Variants in MED15 observed in about 807,000 individuals in gnomAD.
The protein encoded by MED15 is mediator complex subunit 15.
MED15 carries 41 observed loss-of-function variants against 118.7 expected under a neutral mutation model. That is an observed-to-expected ratio of 0.35 (90% CI 0.27 to 0.45). The LOEUF is 0.45. Ranked by LOEUF, MED15 falls within the 20% of genes least tolerant of loss-of-function variation. The pLI is 1.00. For synonymous variants in MED15, 436 were observed against 413.9 expected (o/e 1.05, Z -0.65); for missense variants, 740 against 1,025.5 (o/e 0.72, Z 3.80).
chr22:20,542,999 C>G (rs2055370769), intron 2 of MED15, among the ~76,000 whole-genome samples: 3 of 152,014 alleles, frequency 2.0e-5, no homozygotes, highest in Admixed American at 2.0e-4. Context: ...AGTAAATCTC[C>G]TAGTTTTAGC....
chr22:20,545,439 A>G lies in MED15; in HGVS notation c.157-5997A>G, dbSNP rs1281104751. Among the ~76,000 whole-genome samples, 10 of 145,622 alleles carry G rather than the reference A, an allele frequency of 6.9e-5. 1 individual carries two copies. In the Admixed American group the frequency reaches 7.1e-4, roughly 10 times the overall value. On this transcript the variant is annotated intron_variant, in intron 2 of 17. Coordinates refer to ENST00000263205, the MANE Select transcript of MED15 (RefSeq NM_001003891.3). ...GGTTGCAGTGAGCTGAGATGGTGCC[A>G]CTTCAGCCTGTGTGACAGAGCGAGA...
chr22:20,511,071 C>G (rs1231179887), intron 1 of MED15, among the ~76,000 whole-genome samples: 1 of 152,104 alleles, frequency 6.6e-6, no homozygotes, highest in South Asian at 2.1e-4. Flanking sequence ...TTATTGTGCT[C>G]ATAGGGTTAA....
intron 1 of MED15, among the ~76,000 whole-genome samples, chr22:20,532,637 G>C (rs996048060): frequency 1.3e-5 from 2 of 152,202 alleles, no homozygotes; most frequent in Admixed American, 1.3e-4. Flanking sequence ...TCAGAGGTCT[G>C]GCTGGTCGCA....
At chr22:20,560,509 C>T (rs113658943) in intron 5 of MED15, among the ~76,000 whole-genome samples, 83 of 152,274 alleles carry the variant, frequency 5.5e-4, no homozygotes, top group African/African-American at 2.0e-3. Context: ...GTGATCTGCC[C>T]TCCTTGGCCT....
At chr22:20,553,105 CTA>C (rs2055850343) in intron 3 of MED15, 38 bp from the exon 4 acceptor site, 1 of 1,582,164 alleles carries the variant, frequency 6.3e-7, no homozygotes, top group Non-Finnish European at 8.7e-7. Flanking sequence ...TTATATAAAA[CTA>C]TGTTTACTTT....
At chr22:20,555,319 G>A (rs905835847) in intron 5 of MED15, among the ~76,000 whole-genome samples, 171 bp downstream of exon 5, 9 of 152,086 alleles carry the variant, frequency 5.9e-5, no homozygotes, top group African/African-American at 9.7e-5. Flanking sequence ...TCCAATTTTC[G>A]TTGAGCTCCC....
In MED15 at chr22:20,507,690, C is replaced by T. The variant is rs1454916045; in HGVS notation, c.12C>T (p.Ser4=). 7 of 1,614,036 alleles carry T rather than the reference C, an allele frequency of 4.3e-6. No individual in the cohort carries two copies. The highest frequency in any genetic ancestry group is 3.3e-4 in the Middle Eastern group (2 of 6,062). MDV[S]GQETDWRSTA... ...GCTGGGGAACAGGCATGGACGTTTC[C>T]GGGCAAGAGACCGACTGGCGGAGCA... Residue 4 remains serine (S), a synonymous_variant, in exon 1 of 18, where the codon TCC becomes TCT. Coordinates refer to ENST00000263205, the MANE Select transcript of MED15 (RefSeq NM_001003891.3).
chr22:20,526,761 C>T (rs1251241391), intron 1 of MED15, among the ~76,000 whole-genome samples: 1 of 152,182 alleles, frequency 6.6e-6, no homozygotes, highest in East Asian at 1.9e-4. Flanking sequence ...CGGTGACCCT[C>T]TTGGACCTCC....
intron 1 of MED15, among the ~76,000 whole-genome samples, chr22:20,533,242 C>G (rs1237364116): frequency 6.6e-6 from 1 of 152,076 alleles, no homozygotes; most frequent in Non-Finnish European, 1.5e-5. Context: ...AAATGGGTAC[C>G]CTCCTGGAGT....
rs774209342 is a variant in MED15, at chr22:20,507,691, G to C, written c.13G>C (p.Gly5Arg). 1 of 1,614,076 alleles carries C rather than the reference G, an allele frequency of 6.2e-7. No homozygotes were observed. The highest frequency in any genetic ancestry group is 2.2e-5 in the East Asian group (1 of 44,888). The stretch of plus-strand genomic sequence containing the variant: ...CTGGGGAACAGGCATGGACGTTTCC[G>C]GGCAAGAGACCGACTGGCGGAGCAC... MDVSGQETDWRSTAF... is the reference protein window; with the variant it reads MDVSRQETDWRSTAF... Residue 5 changes from glycine (G) to arginine (R), a missense_variant, in exon 1 of 18, where the codon GGG (glycine) becomes CGG (arginine). Physicochemically the swap from Gly to Arg is moderately radical, Grantham distance 125. Around this residue, in one of 7 missense-constraint regions of MED15, gnomAD observed 23 missense variants for 20.2 expected, o/e 1.14. Coordinates refer to ENST00000263205, the MANE Select transcript of MED15 (RefSeq NM_001003891.3).
chr22:20,540,053 T>G (rs565056191), intron 2 of MED15, among the ~76,000 whole-genome samples: 1 of 152,258 alleles, frequency 6.6e-6, no homozygotes, highest in East Asian at 1.9e-4. Flanking sequence ...TGAGACAGTC[T>G]CGCTCTGTCG....
intron 1 of MED15, chr22:20,507,998 T>G: frequency 7.0e-7 from 1 of 1,424,496 alleles, no homozygotes; most frequent in Non-Finnish European, 9.2e-7. Context: ...TCTTGAGCTT[T>G]CTCATTCGTC....
intron 2 of MED15, among the ~76,000 whole-genome samples, chr22:20,546,869 C>T (rs936628928): frequency 1.3e-5 from 2 of 152,154 alleles, no homozygotes; most frequent in Non-Finnish European, 2.9e-5. Context: ...CTGGGGACTT[C>T]TGCCGGTAAA....
In MED15 at chr22:20,507,657, C is replaced by A; in HGVS notation, c.-22C>A. 2 of 1,613,764 alleles carry A rather than the reference C, an allele frequency of 1.2e-6. No homozygotes were observed. The highest frequency in any genetic ancestry group is 2.2e-5 in the East Asian group (1 of 44,888). ...CGGTGGCGGCCAAGCGGGATACGGG[C>A]GGCGGGAGCTGGGGAACAGGCATGG... is the stretch of plus-strand genomic sequence containing the variant. On this transcript the variant is annotated 5_prime_UTR_variant, in exon 1 of 18. Coordinates refer to ENST00000263205, the MANE Select transcript of MED15 (RefSeq NM_001003891.3).
At chr22:20,535,591 G>A (rs781034011) in intron 1 of MED15, among the ~76,000 whole-genome samples, 1 of 149,172 alleles carries the variant, frequency 6.7e-6, no homozygotes, top group Non-Finnish European at 1.5e-5. Context: ...ACGGAGTCTC[G>A]CACTGTTGCC....
chr22:20,551,158 G>A (rs2055757954), intron 2 of MED15: 1 of 619,304 alleles, frequency 1.6e-6, no homozygotes, highest in African/African-American at 1.8e-5. Context: ...ATGGCTCCCA[G>A]CTCTCTCAGC....
intron 5 of MED15, among the ~76,000 whole-genome samples, chr22:20,563,801 A>G (rs1423112468): frequency 3.9e-5 from 6 of 152,230 alleles, no homozygotes; most frequent in African/African-American, 1.4e-4. Context: ...ACCCATCTGA[A>G]GTGCTCCACT....
chr22:20,519,500 A>T (rs1456570893), intron 1 of MED15, among the ~76,000 whole-genome samples: 1 of 149,268 alleles, frequency 6.7e-6, no homozygotes, highest in Non-Finnish European at 1.5e-5. Context: ...CAGTGGCCTG[A>T]CCTCGGCTCA....
In MED15 at chr22:20,586,578, C is replaced by A; in HGVS notation, c.2241C>A (p.Pro747=). 6.2e-7 allele frequency: 1 copy of A among 1,612,786 alleles called. No homozygotes were observed. The highest frequency in any genetic ancestry group is 8.5e-7 in the Non-Finnish European group (1 of 1,179,862). The change falls in exon 18 of 18, where the codon CCC becomes CCA. Residue 747 remains proline, a synonymous_variant. Transcript: ENST00000263205. Reference sequence around the variant, plus strand: ...ACTGCTCTGTTGCAGACGCCAACCCCTTCCTCCAGTCGGTGCACCGCTGCA... The same window carrying A: ...ACTGCTCTGTTGCAGACGCCAACCCATTCCTCCAGTCGGTGCACCGCTGCA... ...IDRQWQYDAN[P]FLQSVHRCMT...
Sources: allele counts gnomAD v4.1 joint callset (sites outside exome capture counted in the v4.1 genomes callset), GRCh38; gene constraint gnomAD v4.1.1; regional missense constraint gnomAD v4.1.1; transcripts MANE v1.5; gene names NCBI Gene and HGNC (gene_info 2026-07-23, HGNC 2026-07-21).